Variants in PCDH15 observed in about 807,000 individuals in gnomAD.
PCDH15 encodes protocadherin-15.
In PCDH15, 129 loss-of-function variants were observed where a neutral mutation model predicts 178.5. That is an observed-to-expected ratio of 0.72 (90% confidence interval 0.63 to 0.84). The LOEUF is 0.84. Ranked by LOEUF, PCDH15 falls within the 40% of genes least tolerant of loss-of-function variation. The pLI is 0.00. For synonymous variants in PCDH15, 800 were observed against 732.0 expected, an observed-to-expected ratio of 1.09 and a Z score of -1.50; for missense variants, 2,230 against 2,099.9, an observed-to-expected ratio of 1.06 and a Z score of -1.21.
intron 6 of PCDH15, among the ~76,000 whole-genome samples, chr10:54,334,758 C>A (rs768070254): frequency 6.6e-6 from 1 of 151,808 alleles, no homozygotes; most frequent in East Asian, 1.9e-4. Context: ...AGACTTAGTA[C>A]AAAAGTGCCT....
intron 9 of PCDH15, among the ~76,000 whole-genome samples, chr10:54,222,095 A>G (rs2052893886): frequency 6.6e-6 from 1 of 152,204 alleles, no homozygotes; most frequent in Admixed American, 6.5e-5. Context: ...TCCAGCCACA[A>G]ATAAAGATGC....
At chr10:54,075,555 T>A (rs2094326846) in intron 17 of PCDH15, among the ~76,000 whole-genome samples, 1 of 152,112 alleles carries the variant, frequency 6.6e-6, no homozygotes, top group Non-Finnish European at 1.5e-5. Context: ...GTCTTTGGGG[T>A]CATAGCCAAT....
chr10:54,564,552 C>T (rs1268226204), intron 2 of PCDH15, among the ~76,000 whole-genome samples: 1 of 152,016 alleles, frequency 6.6e-6, no homozygotes, highest in Non-Finnish European at 1.5e-5. Context: ...AATCTATAAT[C>T]CAATTTACTG....
Position 54,405,832 on chromosome 10 carries a change from A to G in PCDH15, c.158-26890T>C, listed in dbSNP as rs192763755. 5.9e-5 allele frequency among the ~76,000 whole-genome samples: 9 copies of G among 151,934 alleles called. No individual in the cohort carries two copies. In the East Asian group the frequency reaches 1.7e-3, roughly 29 times the overall value. ...TACTTCCAAACAATACATGAAGGCT[A>G]GAAGTTGAGGTGTTTTTTTTTTAAT... On this transcript the variant is annotated intron_variant, in intron 3 of 37. Coordinates refer to ENST00000644397, the MANE Select transcript of PCDH15 (RefSeq NM_001384140.1).
chr10:54,624,192 G>GAAAT (rs931749919), intron 2 of PCDH15, among the ~76,000 whole-genome samples: 1 of 151,976 alleles, frequency 6.6e-6, no homozygotes, highest in Non-Finnish European at 1.5e-5. Flanking sequence ...ATAGGGTAAA[G>GAAAT]AAATAAATAA....
intron 2 of PCDH15, among the ~76,000 whole-genome samples, chr10:55,422,641 T>A (rs563660612): frequency 2.6e-5 from 4 of 151,862 alleles, no homozygotes; most frequent in Non-Finnish European, 5.9e-5. Flanking sequence ...AATCGAAAGA[T>A]CTTTTCCAAC....
chr10:53,980,541 G>T (rs891741378), intron 21 of PCDH15, among the ~76,000 whole-genome samples: 17 of 152,112 alleles, frequency 1.1e-4, no homozygotes, highest in African/African-American at 3.1e-4. Context: ...CAAACTAGAT[G>T]CAAAGTTGTG....
chr10:54,041,719 T>C (rs1249001841), intron 18 of PCDH15, among the ~76,000 whole-genome samples: 1 of 152,038 alleles, frequency 6.6e-6, no homozygotes, highest in East Asian at 1.9e-4. Context: ...CACATAAATA[T>C]AGGTACTTAA....
chr10:54,949,305 T>C (rs913293348), intron 2 of PCDH15, among the ~76,000 whole-genome samples: 1 of 151,752 alleles, frequency 6.6e-6, no homozygotes, highest in Non-Finnish European at 1.5e-5. Flanking sequence ...ACCATCTTCA[T>C]AAGGCAGCAA....
intron 2 of PCDH15, among the ~76,000 whole-genome samples, chr10:54,574,819 T>G (rs1284944382): frequency 4.8e-5 from 7 of 146,582 alleles, no homozygotes; most frequent in African/African-American, 1.2e-4. Flanking sequence ...CAAAGGACTA[T>G]AAATCATGCT....
chr10:54,451,669 A>C (rs539946208), intron 3 of PCDH15, among the ~76,000 whole-genome samples: 1 of 152,104 alleles, frequency 6.6e-6, no homozygotes, highest in East Asian at 1.9e-4. Context: ...TTTAAGAATT[A>C]ATGGAAATTA....
chr10:54,193,171 A>G (rs76319280), intron 11 of PCDH15, among the ~76,000 whole-genome samples: 1,628 of 152,254 alleles, frequency 0.011, 33 homozygotes, highest in African/African-American at 0.037. Context: ...ACTTTATTTC[A>G]TCAATGCCCT....
At chr10:54,907,313 G>A (rs1362706923) in intron 2 of PCDH15, among the ~76,000 whole-genome samples, 1 of 152,144 alleles carries the variant, frequency 6.6e-6, no homozygotes, top group Non-Finnish European at 1.5e-5. Context: ...AATTATGCAT[G>A]TATTTCTTCT....
chr10:55,595,490 C>T (rs891974554), intron 2 of PCDH15, among the ~76,000 whole-genome samples: 1 of 152,054 alleles, frequency 6.6e-6, no homozygotes, highest in Admixed American at 6.6e-5. Context: ...AGCCACATGT[C>T]AGACTAATTT....
intron 2 of PCDH15, among the ~76,000 whole-genome samples, chr10:54,536,701 G>A (rs550999268): frequency 1.3e-5 from 2 of 152,150 alleles, no homozygotes; most frequent in African/African-American, 4.8e-5. Flanking sequence ...TTATGCCCAT[G>A]GCTATGCAAT....
intron 8 of PCDH15, among the ~76,000 whole-genome samples, chr10:54,297,495 C>G (rs139349340): frequency 0.012 from 1,762 of 152,274 alleles, 33 homozygotes; most frequent in African/African-American, 0.038. Context: ...CACAACTATG[C>G]AAAGCTTGCA....
intron 2 of PCDH15, among the ~76,000 whole-genome samples, chr10:55,369,006 G>A (rs1405263634): frequency 2.0e-5 from 2 of 99,650 alleles, no homozygotes; most frequent in Non-Finnish European, 4.2e-5. Context: ...CTCATTTTTG[G>A]GACCAAAAAA....
chr10:53,860,077 T>C (rs570336720), intron 27 of PCDH15, among the ~76,000 whole-genome samples: 1 of 152,286 alleles, frequency 6.6e-6, no homozygotes, highest in East Asian at 1.9e-4. Flanking sequence ...TCATCTATAC[T>C]GGGTGAATGT....
At chr10:55,589,085 A>AC (rs1410866728) in intron 2 of PCDH15, among the ~76,000 whole-genome samples, 2 of 150,014 alleles carry the variant, frequency 1.3e-5, no homozygotes, top group Non-Finnish European at 1.5e-5. Flanking sequence ...CCGTGTCAAA[A>AC]AAAAAAAAAA....
Sources: gnomAD v4.1 joint callset for allele counts (sites outside exome capture counted in the v4.1 genomes callset) on GRCh38, gnomAD v4.1.1 for gene constraint, MANE v1.5 for transcripts, NCBI Gene and HGNC (gene_info 2026-07-23, HGNC 2026-07-21) for gene names.